MAP4K4: variants seen among roughly 807,000 people sequenced by gnomAD.
MAP4K4 encodes mitogen-activated protein kinase kinase kinase kinase 4.
Under a neutral mutation model 189.6 loss-of-function variants are expected in MAP4K4, and 38 were observed. The observed-to-expected ratio is 0.20, with a 90% confidence interval of 0.15 to 0.26. The LOEUF (loss-of-function observed/expected upper bound fraction) is 0.26. Ranked by LOEUF, MAP4K4 falls within the 10% of genes least tolerant of loss-of-function variation. The pLI, the probability that MAP4K4 is intolerant of heterozygous loss-of-function variation, is 1.00. For missense variants in MAP4K4, 1,054 were observed against 1,726.9 expected (o/e 0.61, Z 6.91); for synonymous variants, 610 against 624.3 (o/e 0.98, Z 0.34).
chr2:101,727,964 G>A (rs1004252652), intron 2 of MAP4K4, among the ~76,000 whole-genome samples: 3 of 152,172 alleles, frequency 2.0e-5, no homozygotes, highest in Non-Finnish European at 4.4e-5. Flanking sequence ...GCGAGACTCC[G>A]TCTTGAAAGA....
chr2:101,823,767 A>T (rs1576289979), intron 3 of MAP4K4, among the ~76,000 whole-genome samples, 161 bp from the exon 4 acceptor site: 1 of 152,106 alleles, frequency 6.6e-6, no homozygotes, highest in Admixed American at 6.5e-5. Flanking sequence ...GAGTCCTCTA[A>T]GGTTCCTGTT....
chr2:101,831,918 T>A, intron 7 of MAP4K4, 67 bp downstream of exon 7: 1 of 1,553,880 alleles, frequency 6.4e-7, no homozygotes, highest in Non-Finnish European at 8.7e-7. Flanking sequence ...GGGGCTTTGC[T>A]TATAAATTGC....
intron 2 of MAP4K4, among the ~76,000 whole-genome samples, chr2:101,755,146 A>G (rs2071641283): frequency 2.0e-5 from 3 of 150,090 alleles, no homozygotes; most frequent in Admixed American, 2.0e-4. Flanking sequence ...TCAAATACTT[A>G]AAAAAAAAAT....
At chr2:101,812,083 C>A (rs919204868) in intron 3 of MAP4K4, among the ~76,000 whole-genome samples, 1 of 152,148 alleles carries the variant, frequency 6.6e-6, no homozygotes, top group Non-Finnish European at 1.5e-5. Context: ...AATACGTTTA[C>A]TTTTTCTTTT....
chr2:101,764,134 G>A (rs1230345702), intron 2 of MAP4K4, among the ~76,000 whole-genome samples: 1 of 151,402 alleles, frequency 6.6e-6, no homozygotes, highest in Non-Finnish European at 1.5e-5. Context: ...ACTCAGATAA[G>A]GAAACACCGA....
intron 3 of MAP4K4, among the ~76,000 whole-genome samples, chr2:101,808,925 C>G (rs570400177): frequency 1.6e-4 from 24 of 152,230 alleles, no homozygotes; most frequent in South Asian, 8.3e-4. Context: ...TCTCACCCCC[C>G]CGACGTTCTG....
chr2:101,862,669 T>C (rs2097701962), intron 16 of MAP4K4, among the ~76,000 whole-genome samples: 1 of 152,206 alleles, frequency 6.6e-6, no homozygotes, highest in Admixed American at 6.5e-5. Context: ...GTTCATTCTT[T>C]GGGGGAGACT....
At chr2:101,770,306 G>A (rs2080757067) in intron 2 of MAP4K4, among the ~76,000 whole-genome samples, 2 of 148,536 alleles carry the variant, frequency 1.3e-5, no homozygotes, top group African/African-American at 5.0e-5. Flanking sequence ...TGGAGTGCAG[G>A]GGCACGATCT....
intron 15 of MAP4K4, 179 bp from the exon 16 acceptor site, chr2:101,860,646 C>G: frequency 1.9e-6 from 1 of 523,304 alleles, no homozygotes; most frequent in South Asian, 3.2e-5. Flanking sequence ...TTTCTTTTTC[C>G]TGAATCTAAT....
chr2:101,790,667 G>A (rs2092714221), intron 2 of MAP4K4, 53 bp from the exon 3 acceptor site: 2 of 1,323,620 alleles, frequency 1.5e-6, no homozygotes, highest in Non-Finnish European at 2.1e-6. Context: ...TTGTTCTAAT[G>A]ATTGTGCAAA....
At chr2:101,779,333 G>C (rs1413884191) in intron 2 of MAP4K4, among the ~76,000 whole-genome samples, 1 of 152,160 alleles carries the variant, frequency 6.6e-6, no homozygotes, top group Non-Finnish European at 1.5e-5. Flanking sequence ...AGTAGTCAGG[G>C]AAGGTGGTTA....
intron 16 of MAP4K4, chr2:101,861,365 C>T (rs534830448): frequency 3.8e-4 from 64 of 167,086 alleles, no homozygotes; most frequent in African/African-American, 1.1e-3. Flanking sequence ...TAAAAGTAAG[C>T]GCTTTACTGT....
intron 2 of MAP4K4, among the ~76,000 whole-genome samples, chr2:101,765,830 T>C (rs141998020): frequency 1.1e-4 from 16 of 152,320 alleles, no homozygotes; most frequent in African/African-American, 3.6e-4. Context: ...GTAGACAAAA[T>C]AGTATTTCAA....
intron 27 of MAP4K4, among the ~76,000 whole-genome samples, chr2:101,881,068 T>G (rs1402745979): frequency 1.3e-5 from 2 of 152,234 alleles, no homozygotes. Context: ...TGGAAAGTAC[T>G]GATGTCTTGA....
rs748244527 is a variant in MAP4K4, at chr2:101,839,787, G to A, written c.774-32G>A. The A allele has an allele frequency of 3.3e-6, 5 of 1,512,720 alleles. No individual in the cohort carries two copies. In the African/African-American group the frequency reaches 5.6e-5, roughly 17 times the overall value. The allele number at this position is 1,512,720 out of a possible 1,614,324, so 93.7% of individuals were successfully genotyped here. A position where few individuals can be genotyped will look rare whatever the true frequency, so the allele number is the denominator to read the frequency against. The stretch of plus-strand genomic sequence containing the variant: ...ATTTTCGATCTTTACTCTTTGTGGT[G>A]GAAATTTGATGATCTTTTTCACTTC... On this transcript the variant is annotated intron_variant, in intron 9 of 32. Coordinates refer to ENST00000324219, the Ensembl canonical transcript of MAP4K4.
At chr2:101,853,602 A>G (rs927307449) in intron 12 of MAP4K4, among the ~76,000 whole-genome samples, 14 of 152,154 alleles carry the variant, frequency 9.2e-5, no homozygotes, top group Non-Finnish European at 1.9e-4. Context: ...GGAATAATTT[A>G]AGCAAAATTT....
intron 2 of MAP4K4, among the ~76,000 whole-genome samples, chr2:101,775,317 C>T (rs2083502141): frequency 6.6e-6 from 1 of 151,442 alleles, no homozygotes; most frequent in Non-Finnish European, 1.5e-5. Flanking sequence ...TCATATTTAG[C>T]CTCCTCTGCT....
chr2:101,701,380 G>C (rs1479780389), intron 2 of MAP4K4, among the ~76,000 whole-genome samples: 1 of 152,162 alleles, frequency 6.6e-6, no homozygotes, highest in Non-Finnish European at 1.5e-5. Flanking sequence ...TGTGGCAGTA[G>C]GGCTAAGAGT....
chr2:101,823,813 C>G (rs1045412606), intron 3 of MAP4K4, 115 bp from the exon 4 acceptor site: 1 of 852,932 alleles, frequency 1.2e-6, no homozygotes. Flanking sequence ...ATATGTGCCT[C>G]TGCTCCTGGA....
Sources: allele counts gnomAD v4.1 joint callset (sites outside exome capture counted in the v4.1 genomes callset), GRCh38; gene constraint gnomAD v4.1.1; transcripts MANE v1.5; gene names NCBI Gene and HGNC (gene_info 2026-07-23, HGNC 2026-07-21).